The following GPHN variants were observed in gnomAD, a reference collection of about 807,000 sequenced individuals.
GPHN encodes the protein gephyrin.
A neutral mutation model predicts 95.5 loss-of-function variants in GPHN; 17 were observed. The ratio of observed to expected loss-of-function variants is 0.18; its 90% confidence interval spans 0.12 to 0.27. GPHN has a LOEUF of 0.27. GPHN is among the 10% of genes least tolerant of loss of function. GPHN has a pLI of 1.00. For synonymous variants in GPHN, 320 were observed against 322.5 expected (o/e 0.99, Z 0.08); for missense variants, 660 against 978.1 (o/e 0.67, Z 4.34).
At chr14:67,414,422 G>C in the GPHN span, among the ~76,000 whole-genome samples, 1 of 152,214 alleles carries the variant, frequency 6.6e-6, no homozygotes, top group Admixed American at 6.5e-5. Context: ...CTCACCCATA[G>C]GGAAGAGGAT....
At chr14:67,526,927 G>A in the GPHN span, among the ~76,000 whole-genome samples, 2 of 152,176 alleles carry the variant, frequency 1.3e-5, no homozygotes, top group Admixed American at 6.5e-5. Flanking sequence ...CGAAAACCCT[G>A]AGCACAACAA....
At chr14:67,215,406 GT>G in the GPHN span, among the ~76,000 whole-genome samples, 171 of 109,448 alleles carry the variant, frequency 1.6e-3, no homozygotes, top group East Asian at 6.2e-3. Flanking sequence ...CTGATCTATT[GT>G]TTTTTTTTTT....
chr14:66,974,203 A>G (rs541336120), intron 9 of GPHN, among the ~76,000 whole-genome samples: 101 of 152,342 alleles, frequency 6.6e-4, no homozygotes, highest in African/African-American at 2.4e-3. Flanking sequence ...GGCACTACCT[A>G]GTATGGGAAA....
intron 5 of GPHN, among the ~76,000 whole-genome samples, chr14:66,892,013 C>T (rs2064539224): frequency 6.6e-6 from 1 of 152,044 alleles, no homozygotes; most frequent in Non-Finnish European, 1.5e-5. Context: ...TTGTGTATTG[C>T]TGGTGAGGAT....
intron 2 of GPHN, among the ~76,000 whole-genome samples, chr14:66,764,233 G>C (rs565075083): frequency 6.6e-6 from 1 of 152,090 alleles, no homozygotes; most frequent in South Asian, 2.1e-4. Flanking sequence ...CTGATTTAAA[G>C]TATATGATGG....
chr14:67,063,187 G>A (rs983312921), intron 11 of GPHN, among the ~76,000 whole-genome samples: 8 of 152,138 alleles, frequency 5.3e-5, no homozygotes, highest in African/African-American at 1.9e-4. Flanking sequence ...TATTAAATAG[G>A]GAATCCTTTC....
At chr14:67,044,775 GTCTC>G (rs546038158) in intron 10 of GPHN, among the ~76,000 whole-genome samples, 3 of 150,842 alleles carry the variant, frequency 2.0e-5, no homozygotes, top group African/African-American at 4.9e-5. Context: ...CCCTCTCTCT[GTCTC>G]TCTCTCTGTC....
At chr14:66,827,236 A>G (rs1400671515) in intron 4 of GPHN, among the ~76,000 whole-genome samples, 1 of 151,942 alleles carries the variant, frequency 6.6e-6, no homozygotes. Context: ...GCGAGCAGAG[A>G]TCACAACATT....
At chr14:66,958,716 T>C (rs959030997) in intron 8 of GPHN, among the ~76,000 whole-genome samples, 11 of 152,194 alleles carry the variant, frequency 7.2e-5, no homozygotes, top group Admixed American at 5.9e-4. Flanking sequence ...ACCACTGTTG[T>C]ATGTGTCATC....
At chr14:67,208,899 AAAAAAAAAAAGAAAAG>A in the GPHN span, among the ~76,000 whole-genome samples, 1 of 151,360 alleles carries the variant, frequency 6.6e-6, no homozygotes, top group South Asian at 2.1e-4. Flanking sequence ...TCTGTCTCAA[AAAAAAAAAAAGAAAAG>A]AAAAAAAAAA....
chr14:67,129,882 G>T (rs1290286328), intron 17 of GPHN, among the ~76,000 whole-genome samples: 2 of 151,768 alleles, frequency 1.3e-5, no homozygotes, highest in East Asian at 3.9e-4. Context: ...AAGGCAGGAA[G>T]AAAGAGAAAG....
the GPHN span, chr14:67,561,892 G>GA: frequency 2.2e-6 from 2 of 909,912 alleles, no homozygotes; most frequent in Non-Finnish European, 3.4e-6. Context: ...AAAAAGAATT[G>GA]AAAAAATACA....
In GPHN at chr14:66,695,824, A is replaced by T. The variant is rs535804807; in HGVS notation, c.143+14639A>T. 2.0e-5 allele frequency among the ~76,000 whole-genome samples: 3 copies of T among 152,352 alleles called. No homozygotes were observed. In the East Asian group the frequency reaches 5.8e-4, roughly 29 times the overall value. On this transcript the variant is annotated intron_variant, in intron 2 of 22. Transcript: ENST00000478722. ...AAAAGGCAAAACTATGAAGATAGTA[A>T]AAGAATCAGTGCTTGCCAGAGGTTA...
At chr14:67,538,044 T>C in the GPHN span, among the ~76,000 whole-genome samples, 8 of 152,220 alleles carry the variant, frequency 5.3e-5, no homozygotes, top group Admixed American at 2.0e-4. Flanking sequence ...TAGCGGGGTA[T>C]TGGGGACAGA....
chr14:66,545,869 C>A (rs1480826103), intron 1 of GPHN, among the ~76,000 whole-genome samples: 2 of 150,540 alleles, frequency 1.3e-5, no homozygotes, highest in Non-Finnish European at 3.0e-5. Flanking sequence ...GGGGCTGACC[C>A]CCCCACCTCC....
the GPHN span, among the ~76,000 whole-genome samples, chr14:67,502,903 G>A: frequency 6.6e-6 from 1 of 152,146 alleles, no homozygotes; most frequent in South Asian, 2.1e-4. Context: ...ACAAAACAAA[G>A]TTCCAGCCTT....
the GPHN span, among the ~76,000 whole-genome samples, chr14:67,259,746 C>T: frequency 6.6e-6 from 1 of 151,824 alleles, no homozygotes; most frequent in South Asian, 2.1e-4. Flanking sequence ...TCCATCTATA[C>T]AAAAAATAAA....
the GPHN span, among the ~76,000 whole-genome samples, chr14:67,421,840 C>T: frequency 3.3e-5 from 5 of 152,224 alleles, no homozygotes; most frequent in Admixed American, 3.3e-4. Context: ...CTTATCTCCA[C>T]TGCCACTTCT....
chr14:67,578,717 C>A, the GPHN span: 2 of 851,212 alleles, frequency 2.3e-6, no homozygotes, highest in South Asian at 1.4e-5. This position sits in a 1 kb window ranked among gnomAD's most constrained non-coding sequence, Gnocchi z 5.0. Flanking sequence ...CTAGGGCAGA[C>A]CAGATCACTC....
Sources: gnomAD v4.1 joint callset for allele counts (sites outside exome capture counted in the v4.1 genomes callset) on GRCh38, gnomAD v4.1.1 for gene constraint, Gnocchi (gnomAD v3.1) non-coding constraint, MANE v1.5 for transcripts, NCBI Gene and HGNC (gene_info 2026-07-23, HGNC 2026-07-21) for gene names.